Variants in TMTC4 observed in about 807,000 individuals in gnomAD.
TMTC4 encodes protein O-mannosyl-transferase TMTC4.
A neutral mutation model predicts 86.0 loss-of-function variants in TMTC4; 65 were observed. The observed-to-expected ratio is 0.76, with a 90% CI of 0.62 to 0.93. The LOEUF (loss-of-function observed/expected upper bound fraction) is 0.93, where lower values mean the gene tolerates loss of function less well. Ranked by LOEUF, TMTC4 falls within the 40% of genes least tolerant of loss-of-function variation. The pLI is 0.00. For synonymous variants in TMTC4, 379 were observed against 382.5 expected (o/e 0.99, Z 0.11); for missense variants, 866 against 948.1 (o/e 0.91, Z 1.14).
intron 12 of TMTC4, among the ~76,000 whole-genome samples, chr13:100,627,267 C>T (rs766193502): frequency 6.6e-6 from 1 of 152,226 alleles, no homozygotes; most frequent in East Asian, 1.9e-4. Flanking sequence ...AGGCTAGGAT[C>T]AGTCGTTGTC....
chr13:100,640,578 C>T (rs560665457), intron 7 of TMTC4, among the ~76,000 whole-genome samples: 55 of 152,154 alleles, frequency 3.6e-4, no homozygotes, highest in African/African-American at 7.2e-4. Flanking sequence ...CTTGGCCAGG[C>T]GTGACGGCTC....
Position 100,620,207 on chromosome 13 carries a change from C to T in TMTC4, c.1836+5328G>A, listed in dbSNP as rs116505809. Reference sequence around the variant, plus strand: ...AGCAGGGGCTGGGAGTCTGCAACTACATTTCCCAGGCTTCTTCACCCTTTT... The same window carrying T: ...AGCAGGGGCTGGGAGTCTGCAACTATATTTCCCAGGCTTCTTCACCCTTTT... On this transcript the variant is annotated intron_variant, in intron 15 of 18. Transcript: ENST00000342624. Among the ~76,000 whole-genome samples, 358 of 152,324 alleles carry T rather than the reference C, an allele frequency of 2.4e-3. 1 individual carries two copies. The highest frequency in any genetic ancestry group is 8.3e-3 in the African/African-American group (347 of 41,572).
chr13:100,674,247 C>A, intron 1 of TMTC4: 1 of 980,256 alleles, frequency 1.0e-6, no homozygotes, highest in Non-Finnish European at 1.2e-6. Flanking sequence ...GCTCGCGGCG[C>A]GGCGGGGGAG....
Position 100,605,193 on chromosome 13 carries a change from C to CGT in TMTC4, c.2135-53_2135-52dup, listed in dbSNP as rs766915472. On this transcript the variant is annotated intron_variant, in intron 18 of 18. Transcript: ENST00000342624. This position sits in a 1 kb window ranked among gnomAD's most constrained non-coding sequence, Gnocchi z 4.3. Reference sequence around the variant, plus strand: ...CTGGGAATGCTTCTGAGTAACGTGCCGTATTCCTACCCTCTTGGACAAAGA... The same window carrying CGT: ...CTGGGAATGCTTCTGAGTAACGTGCCGTGTATTCCTACCCTCTTGGACAAAGA... 6.4e-7 allele frequency: 1 copy of CGT among 1,573,790 alleles called. No homozygotes were observed. Among genetic ancestry groups the CGT allele is most frequent in the Admixed American group, 1.9e-5 (1 of 53,966 alleles).
intron 6 of TMTC4, among the ~76,000 whole-genome samples, chr13:100,653,170 A>C (rs766487986): frequency 1.3e-5 from 2 of 152,242 alleles, no homozygotes; most frequent in East Asian, 1.9e-4. Flanking sequence ...GATGATGTTC[A>C]AGGATTATTC....
intron 12 of TMTC4, among the ~76,000 whole-genome samples, chr13:100,629,063 C>T (rs1480731355): frequency 2.6e-5 from 4 of 152,048 alleles, no homozygotes; most frequent in Admixed American, 6.5e-5. Flanking sequence ...ACAGGAGAAT[C>T]GCTTGAACCC....
intron 6 of TMTC4, among the ~76,000 whole-genome samples, chr13:100,650,106 G>A (rs912130607): frequency 4.6e-5 from 7 of 151,920 alleles, no homozygotes; most frequent in Non-Finnish European, 1.0e-4. Context: ...AAAACCATTT[G>A]GACACCATGC....
intron 1 of TMTC4, chr13:100,674,538 C>T: frequency 3.1e-6 from 3 of 981,296 alleles, no homozygotes; most frequent in Non-Finnish European, 3.6e-6. Flanking sequence ...CCATGTGCGG[C>T]TCACACAGGG....
chr13:100,674,622 T>C (rs1197498433), intron 1 of TMTC4, 122 bp downstream of exon 1: 1 of 982,126 alleles, frequency 1.0e-6, no homozygotes, highest in Admixed American at 6.2e-5. Flanking sequence ...AGCGCCGCTC[T>C]GGCCCGGGCC....
rs371275596 is a variant in TMTC4, at chr13:100,626,055, G to A, written c.1586+16C>T. 1.9e-6 allele frequency: 3 copies of A among 1,613,996 alleles called. No individual in the cohort carries two copies. Among genetic ancestry groups the A allele is most frequent in the Non-Finnish European group, 1.7e-6 (2 of 1,179,966 alleles). ...ATCTGTGTACATAATTCTTCTGTAA[G>A]ACATACTCGCCATACCTTACAGCTT... On this transcript the variant is annotated intron_variant, in intron 13 of 18. Coordinates refer to ENST00000342624, the MANE Select transcript of TMTC4 (RefSeq NM_032813.5).
At chr13:100,610,142 A>C (rs1424972795) in intron 17 of TMTC4, among the ~76,000 whole-genome samples, 1 of 152,212 alleles carries the variant, frequency 6.6e-6, no homozygotes, top group Non-Finnish European at 1.5e-5. Context: ...ATGATAAATA[A>C]AACAGCAAGT....
chr13:100,656,525 A>C (rs906154764), intron 5 of TMTC4, 57 bp from the exon 6 acceptor site: 30 of 1,173,022 alleles, frequency 2.6e-5, no homozygotes, highest in Middle Eastern at 4.0e-4. Context: ...AGGAAATCCT[A>C]AACTTAGGAG....
chr13:100,662,121 G>A (rs970741459), intron 5 of TMTC4, among the ~76,000 whole-genome samples: 10 of 151,806 alleles, frequency 6.6e-5, no homozygotes, highest in South Asian at 4.2e-4. Flanking sequence ...CTCCACTGAG[G>A]ATATGCTGAT....
At chr13:100,614,821 T>C (rs1474801677) in intron 15 of TMTC4, 2 of 602,042 alleles carry the variant, frequency 3.3e-6, no homozygotes, top group African/African-American at 2.0e-5. Context: ...GAAAGCCTCA[T>C]CATTAGTCTT....
upstream of TMTC4, chr13:100,675,001 G>A: frequency 6.1e-6 from 6 of 985,596 alleles, no homozygotes; most frequent in Non-Finnish European, 7.2e-6. Flanking sequence ...CTCATTGGCG[G>A]ACGCGCCGGT....
At chr13:100,661,473 G>A (rs907022991) in intron 5 of TMTC4, among the ~76,000 whole-genome samples, 10 of 152,228 alleles carry the variant, frequency 6.6e-5, no homozygotes, top group Admixed American at 6.5e-4. Context: ...AAGGAAGACA[G>A]AATCAGTACT....
chr13:100,659,733 G>T (rs1303614706), intron 5 of TMTC4, among the ~76,000 whole-genome samples: 1 of 151,036 alleles, frequency 6.6e-6, no homozygotes, highest in Non-Finnish European at 1.5e-5. Flanking sequence ...TAGAAAAACA[G>T]AGACATTCCA....
intron 18 of TMTC4, 72 bp downstream of exon 18, chr13:100,606,286 T>A (rs2153020477): frequency 1.5e-6 from 2 of 1,315,874 alleles, no homozygotes; most frequent in South Asian, 2.5e-5. Context: ...CCAACATTAA[T>A]TTTATAGACA....
intron 6 of TMTC4, among the ~76,000 whole-genome samples, chr13:100,649,432 T>C (rs890428098): frequency 2.0e-5 from 3 of 152,224 alleles, no homozygotes; most frequent in Admixed American, 2.0e-4. Context: ...TATGTTCTTA[T>C]ACAGTAACAA....
Sources: allele counts gnomAD v4.1 joint callset (sites outside exome capture counted in the v4.1 genomes callset), GRCh38; gene constraint gnomAD v4.1.1; non-coding constraint Gnocchi (gnomAD v3.1); transcripts MANE v1.5; gene names NCBI Gene and HGNC (gene_info 2026-07-23, HGNC 2026-07-21).